The following WWP2 variants were observed in gnomAD, a reference collection of about 807,000 sequenced individuals.
The protein encoded by WWP2 is NEDD4-like E3 ubiquitin-protein ligase WWP2.
Under a neutral mutation model 121.0 loss-of-function variants are expected in WWP2, and 57 were observed. The observed-to-expected ratio is 0.47, with a 90% CI of 0.38 to 0.59. WWP2 has a LOEUF of 0.59. Among genes scored for constraint, WWP2 ranks in the 20% least tolerant of loss-of-function variants. The pLI, the probability that WWP2 is intolerant of heterozygous loss-of-function variation, is 0.00. For missense variants in WWP2, 962 were observed against 1,158.9 expected (o/e 0.83, Z 2.47); for synonymous variants, 449 against 441.3 (o/e 1.02, Z -0.22).
At chr16:69,852,771 C>T (rs1431399325) in intron 6 of WWP2, among the ~76,000 whole-genome samples, 5 of 152,248 alleles carry the variant, frequency 3.3e-5, no homozygotes, top group African/African-American at 4.8e-5. Flanking sequence ...TCCCAGTCTG[C>T]GGCTTGTCTT....
chr16:69,793,847 C>G (rs1015687754), intron 2 of WWP2, among the ~76,000 whole-genome samples: 6 of 150,370 alleles, frequency 4.0e-5, no homozygotes, highest in African/African-American at 9.8e-5. Flanking sequence ...TAATCCTAAC[C>G]TTGTGGCTGT....
chr16:69,819,889 A>G (rs901307388), intron 4 of WWP2, among the ~76,000 whole-genome samples: 1 of 152,184 alleles, frequency 6.6e-6, no homozygotes, highest in Non-Finnish European at 1.5e-5. Context: ...AGCCCCTGGC[A>G]ACCACGAATC....
At chr16:69,933,926 G>T in intron 16 of WWP2, 44 bp from the exon 17 acceptor site, 2 of 1,599,100 alleles carry the variant, frequency 1.3e-6, no homozygotes, top group Non-Finnish European at 1.7e-6. Context: ...AGATGTGCAC[G>T]AAGGGACCCA....
At chr16:69,817,351 C>G (rs1265747882) in intron 4 of WWP2, among the ~76,000 whole-genome samples, 1 of 151,380 alleles carries the variant, frequency 6.6e-6, no homozygotes, top group African/African-American at 2.4e-5. Context: ...CAGGCTCAAG[C>G]GATTCTCCCA....
chr16:69,940,213 C>T lies in WWP2; in HGVS notation c.*273C>T. 2.0e-6 allele frequency: 1 copy of T among 491,304 alleles called. No individual in the cohort carries two copies. Among genetic ancestry groups the T allele is most frequent in the Admixed American group, 3.6e-5 (1 of 27,760 alleles). The allele number at this position is 491,304 out of a possible 1,614,324, so 30.4% of individuals were successfully genotyped here. ...GGGCTGACCCTCTCTGCAAAACTCT[C>T]CCCTGTCCTCTAGACCCCACCCTGG... On this transcript the variant is annotated 3_prime_UTR_variant, in exon 24 of 24. Transcript: ENST00000359154.
intron 4 of WWP2, among the ~76,000 whole-genome samples, chr16:69,836,301 T>G (rs1228628239): frequency 2.6e-5 from 4 of 152,296 alleles, no homozygotes; most frequent in Non-Finnish European, 4.4e-5. Context: ...CCTTTTTTTT[T>G]TTTGTTTAAA....
chr16:69,894,433 C>T (rs901684321), intron 8 of WWP2, among the ~76,000 whole-genome samples: 8 of 152,130 alleles, frequency 5.3e-5, no homozygotes, highest in African/African-American at 1.2e-4. Flanking sequence ...TATGTGGTTA[C>T]ACACGTCTGC....
At position 69,819,417 on chromosome 16, in the gene WWP2, C is replaced by T. The variant is rs181223424; in HGVS notation, c.340+20122C>T. On this transcript the variant is annotated intron_variant, in intron 4 of 23. Transcript: ENST00000359154. ...ATGCTCCTCCGCTTTCCAGATCCCT[C>T]GGGCCACAGGTCTCCCTGCTGTTTC... is the stretch of plus-strand genomic sequence containing the variant. 6.6e-5 allele frequency among the ~76,000 whole-genome samples: 10 copies of T among 152,326 alleles called. No homozygotes were observed. The East Asian group carries it at 1.3e-3, about 21-fold the overall frequency.
intron 13 of WWP2, among the ~76,000 whole-genome samples, chr16:69,930,716 T>A (rs1473841267): frequency 6.6e-6 from 1 of 151,952 alleles, no homozygotes; most frequent in Admixed American, 6.6e-5. Flanking sequence ...TAATAATACA[T>A]TTAAAATTAG....
At chr16:69,917,643 CTT>C (rs762183783) in intron 9 of WWP2, 64 bp from the exon 10 acceptor site, 5 of 1,565,312 alleles carry the variant, frequency 3.2e-6, no homozygotes, top group Non-Finnish European at 4.4e-6. Flanking sequence ...CATCCTGAGA[CTT>C]TTCTAGAATT....
intron 9 of WWP2, chr16:69,910,150 A>T: frequency 5.5e-6 from 1 of 183,334 alleles, no homozygotes; most frequent in African/African-American, 2.4e-5. Context: ...ACCCTGATCT[A>T]GGTAATTTTG....
At chr16:69,867,257 G>A (rs932883113) in intron 6 of WWP2, among the ~76,000 whole-genome samples, 1 of 151,910 alleles carries the variant, frequency 6.6e-6, no homozygotes, top group Non-Finnish European at 1.5e-5. Context: ...ACACTGTCAC[G>A]TGGTCAGCCA....
intron 6 of WWP2, among the ~76,000 whole-genome samples, chr16:69,844,489 C>G (rs75979388): frequency 2.6e-5 from 4 of 151,622 alleles, no homozygotes; most frequent in Non-Finnish European, 5.9e-5. Context: ...ATTTGGGGCT[C>G]AAAGTCAGAT....
In WWP2 at chr16:69,931,040, C is replaced by A. The variant is rs932547324; in HGVS notation, c.1446-112C>A. 4 of 991,770 alleles carry A rather than the reference C, an allele frequency of 4.0e-6. No homozygotes were observed. The Admixed American group carries it at 6.3e-5, about 16-fold the overall frequency. The allele number at this position is 991,770 out of a possible 1,614,324, so 61.4% of individuals were successfully genotyped here. ...TAATGACAGTCACTTCCTCACCTTA[C>A]ATTACTAATCTTTAAATTAACATAG... is the stretch of plus-strand genomic sequence containing the variant. On this transcript the variant is annotated intron_variant, in intron 13 of 23. Transcript: ENST00000359154.
At chr16:69,800,445 T>A (rs2056138229) in intron 4 of WWP2, among the ~76,000 whole-genome samples, 1 of 152,208 alleles carries the variant, frequency 6.6e-6, no homozygotes, top group Non-Finnish European at 1.5e-5. Context: ...TTTTTCCTCT[T>A]CATTTGCCCA....
At chr16:69,905,333 C>T (rs911674584) in intron 8 of WWP2, among the ~76,000 whole-genome samples, 1 of 152,132 alleles carries the variant, frequency 6.6e-6, no homozygotes, top group Non-Finnish European at 1.5e-5. Flanking sequence ...GTTCTTGGGG[C>T]CAGCCCTCCT....
intron 1 of WWP2, among the ~76,000 whole-genome samples, chr16:69,763,293 T>C (rs1182591066): frequency 1.3e-5 from 2 of 152,212 alleles, no homozygotes; most frequent in Non-Finnish European, 2.9e-5. Context: ...GAACTGTAAC[T>C]AGGTAGGGTG....
At chr16:69,881,712 G>T (rs566632398) in intron 7 of WWP2, among the ~76,000 whole-genome samples, 1 of 152,222 alleles carries the variant, frequency 6.6e-6, no homozygotes, top group East Asian at 1.9e-4. Flanking sequence ...TTATTTTTTA[G>T]ATAGAGCCTC....
At chr16:69,869,909 G>C (rs980528051) in intron 6 of WWP2, among the ~76,000 whole-genome samples, 1 of 152,176 alleles carries the variant, frequency 6.6e-6, no homozygotes, top group African/African-American at 2.4e-5. Context: ...TCGTTCTGCT[G>C]GAGGTGGATC....
Sources: gnomAD v4.1 joint callset for allele counts (sites outside exome capture counted in the v4.1 genomes callset) on GRCh38, gnomAD v4.1.1 for gene constraint, MANE v1.5 for transcripts, NCBI Gene and HGNC (gene_info 2026-07-23, HGNC 2026-07-21) for gene names.